Variants in TRAK2 observed in about 807,000 individuals in gnomAD.
TRAK2 encodes trafficking kinesin-binding protein 2.
In TRAK2, 81 loss-of-function variants were observed where a neutral mutation model predicts 104.6. The ratio of observed to expected loss-of-function variants is 0.77; its 90% CI spans 0.65 to 0.93. The LOEUF (loss-of-function observed/expected upper bound fraction) is 0.93, where lower values mean the gene tolerates loss of function less well. Among genes scored for constraint, TRAK2 ranks in the 40% least tolerant of loss-of-function variants. The pLI is 0.00. For synonymous variants in TRAK2, 406 were observed against 394.4 expected, an observed-to-expected ratio of 1.03 and a Z score of -0.35; for missense variants, 1,002 against 1,089.0, an observed-to-expected ratio of 0.92 and a Z score of 1.12.
rs1041638190 is a variant in TRAK2 at position 201,385,195 on chromosome 2, G to A, written c.1964-979C>T. On this transcript the variant is annotated intron_variant, in intron 14 of 15. Transcript: ENST00000332624. ...ATTAATATGATTTTAATATTTTTAC[G>A]TAATAAAATGTGCCAATATTTGGAA... Among the ~76,000 whole-genome samples the A allele has an allele frequency of 4.6e-5, 7 of 152,184 alleles. No individual in the cohort carries two copies. In the South Asian group the frequency reaches 1.2e-3, roughly 27 times the overall value.
At chr2:201,442,867 A>G (rs1184399090) in intron 1 of TRAK2, among the ~76,000 whole-genome samples, 1 of 152,224 alleles carries the variant, frequency 6.6e-6, no homozygotes, top group Non-Finnish European at 1.5e-5. Flanking sequence ...GGGTGGCTGG[A>G]AGACAGAAAG....
At chr2:201,432,200 T>A (rs1230272704) in intron 1 of TRAK2, among the ~76,000 whole-genome samples, 2 of 152,210 alleles carry the variant, frequency 1.3e-5, no homozygotes, top group African/African-American at 2.4e-5. Flanking sequence ...TGAGTGACGT[T>A]AGCTTAGTGT....
intron 1 of TRAK2, among the ~76,000 whole-genome samples, chr2:201,433,996 T>A (rs59677955): frequency 0.061 from 9,300 of 152,106 alleles, 606 homozygotes; most frequent in East Asian, 0.26. Flanking sequence ...CTCGCTCTTT[T>A]GCCCAGGCCG....
chr2:201,434,114 C>T (rs879266211), intron 1 of TRAK2, among the ~76,000 whole-genome samples: 6 of 152,108 alleles, frequency 3.9e-5, no homozygotes, highest in Non-Finnish European at 8.8e-5. Context: ...TCCGCCACCG[C>T]GCCCGGCTAA....
At chr2:201,410,827 T>C (rs2125650788) in intron 2 of TRAK2, 3 of 1,606,836 alleles carry the variant, frequency 1.9e-6, no homozygotes, top group East Asian at 4.5e-5. Context: ...GGCAGACATA[T>C]CTGTGGGTCT....
At chr2:201,407,373 A>G (rs1951603335) in intron 3 of TRAK2, 30 bp downstream of exon 3, 4 of 1,582,012 alleles carry the variant, frequency 2.5e-6, no homozygotes, top group Non-Finnish European at 3.4e-6. Context: ...ACTTTAATGC[A>G]CAAACTAAAA....
chr2:201,428,431 T>C (rs1234270234), intron 1 of TRAK2, among the ~76,000 whole-genome samples: 1 of 152,236 alleles, frequency 6.6e-6, no homozygotes, highest in Non-Finnish European at 1.5e-5. Context: ...AGGGAATCCT[T>C]TCCCCATTGC....
chr2:201,397,664 G>A, intron 6 of TRAK2, 84 bp from the exon 7 acceptor site: 1 of 1,007,678 alleles, frequency 9.9e-7, no homozygotes, highest in South Asian at 1.5e-5. Context: ...CTCATTTGAA[G>A]ACTAAATTTC....
intron 1 of TRAK2, among the ~76,000 whole-genome samples, chr2:201,439,310 G>A (rs150736793): frequency 2.3e-3 from 347 of 152,218 alleles, no homozygotes; most frequent in Non-Finnish European, 4.0e-3. Context: ...TAAGCTCATC[G>A]GTTACTCTGA....
At chr2:201,401,290 C>T (rs995168056) in intron 3 of TRAK2, among the ~76,000 whole-genome samples, 196 bp from the exon 4 acceptor site, 5 of 151,972 alleles carry the variant, frequency 3.3e-5, no homozygotes, top group South Asian at 2.1e-4. Context: ...TCATTACAAA[C>T]GAAGTGTATA....
intron 1 of TRAK2, among the ~76,000 whole-genome samples, chr2:201,443,886 T>C (rs1442039486): frequency 6.6e-6 from 1 of 152,156 alleles, no homozygotes; most frequent in African/African-American, 2.4e-5. Context: ...GAATAGTGTT[T>C]TTAAAGCTAA....
chr2:201,383,702 T>A (rs1951363789), intron 15 of TRAK2, among the ~76,000 whole-genome samples: 2 of 152,340 alleles, frequency 1.3e-5, no homozygotes, highest in South Asian at 4.1e-4. Context: ...TTCTGTGAGA[T>A]CTTCTAGCAA....
intron 1 of TRAK2, among the ~76,000 whole-genome samples, chr2:201,451,002 C>T (rs935921630): frequency 1.3e-5 from 2 of 152,158 alleles, no homozygotes; most frequent in Non-Finnish European, 2.9e-5. Flanking sequence ...GCGACTGAAG[C>T]TTAAGGTTTA....
chr2:201,424,131 C>T (rs745990317), intron 1 of TRAK2, among the ~76,000 whole-genome samples: 15 of 152,110 alleles, frequency 9.9e-5, no homozygotes, highest in Non-Finnish European at 2.1e-4. Context: ...ATGAATCAAA[C>T]CAATAAAGAG....
At chr2:201,408,053 G>T (rs1015803382) in intron 2 of TRAK2, among the ~76,000 whole-genome samples, 1 of 151,910 alleles carries the variant, frequency 6.6e-6, no homozygotes, top group Non-Finnish European at 1.5e-5. Flanking sequence ...GCCAACTATA[G>T]CCACCCTATG....
At chr2:201,430,980 A>C (rs1951837522) in intron 1 of TRAK2, among the ~76,000 whole-genome samples, 1 of 152,164 alleles carries the variant, frequency 6.6e-6, no homozygotes, top group Non-Finnish European at 1.5e-5. Context: ...GTATTTCTTA[A>C]ATTTCTGGCT....
At chr2:201,403,760 A>C (rs565185920) in intron 3 of TRAK2, among the ~76,000 whole-genome samples, 154 of 151,526 alleles carry the variant, frequency 1.0e-3, no homozygotes, top group African/African-American at 2.9e-3. Flanking sequence ...AAAAAAAAAA[A>C]CCCACAAAAA....
chr2:201,411,330 C>A (rs1351323185), intron 2 of TRAK2: 1 of 756,136 alleles, frequency 1.3e-6, no homozygotes, highest in African/African-American at 1.7e-5. Flanking sequence ...ATTCTGAAAC[C>A]CATCCTCTTT....
intron 3 of TRAK2, among the ~76,000 whole-genome samples, chr2:201,404,829 T>C (rs1327555546): frequency 6.6e-6 from 1 of 152,190 alleles, no homozygotes; most frequent in Non-Finnish European, 1.5e-5. Flanking sequence ...TAGTAAAAGC[T>C]ACAATAGCTC....
Sources: allele counts gnomAD v4.1 joint callset (sites outside exome capture counted in the v4.1 genomes callset), GRCh38; gene constraint gnomAD v4.1.1; transcripts MANE v1.5; gene names NCBI Gene and HGNC (gene_info 2026-07-23, HGNC 2026-07-21).